The following PLA2G12B variants were observed in gnomAD, a reference collection of about 807,000 sequenced individuals.
PLA2G12B encodes group XIIB secretory phospholipase A2-like protein.
PLA2G12B carries 19 observed loss-of-function variants against 22.3 expected under a neutral mutation model. That is an observed-to-expected ratio of 0.85 (90% confidence interval 0.60 to 1.25). The LOEUF is 1.25. Among genes scored for constraint, PLA2G12B ranks in the 50% most tolerant of loss-of-function variants. The pLI, the probability that PLA2G12B is intolerant of heterozygous loss-of-function variation, is 0.00. For synonymous variants in PLA2G12B, 81 were observed against 94.9 expected (o/e 0.85, Z 0.85); for missense variants, 191 against 246.6 (o/e 0.77, Z 1.51).
intron 1 of PLA2G12B, 101 bp from the exon 2 acceptor site, chr10:72,942,841 TTTTC>T (rs1846383938): frequency 6.5e-6 from 7 of 1,078,562 alleles, no homozygotes; most frequent in Non-Finnish European, 8.0e-6. Flanking sequence ...ATATTTCACT[TTTTC>T]TTTAAAAGTC....
At chr10:72,938,618 T>C (rs1349468938) in intron 3 of PLA2G12B, among the ~76,000 whole-genome samples, 4 of 152,166 alleles carry the variant, frequency 2.6e-5, no homozygotes, top group African/African-American at 9.7e-5. Context: ...TAGGAATAAA[T>C]TTAACAGAAG....
At position 72,942,149 on chromosome 10, in the gene PLA2G12B, GGTGTGTGTGTGTGTGTGT is replaced by G. The variant is rs34740594; in HGVS notation, c.300+485_300+502del. On this transcript the variant is annotated intron_variant, in intron 2 of 3. Transcript: ENST00000373032. ...AAATACAAAAATTAGCAGGGCGTCG[GGTGTGTGTGTGTGTGTGT>G]GTGTGTGTGTGTGTGTGTGTGCAGA... Among the ~76,000 whole-genome samples the G allele has an allele frequency of 7.7e-3, 1,042 of 136,038 alleles. 5 individuals carry two copies. The highest frequency in any genetic ancestry group is 0.033 in the East Asian group (147 of 4,506). 89.2% of individuals were successfully genotyped at this position (136,038 alleles called of 152,430 possible). A position where few individuals can be genotyped will look rare whatever the true frequency, so the allele number is the denominator to read the frequency against.
At chr10:72,947,749 T>C (rs1221781706) in intron 1 of PLA2G12B, among the ~76,000 whole-genome samples, 3 of 152,198 alleles carry the variant, frequency 2.0e-5, no homozygotes, top group Admixed American at 6.5e-5. Flanking sequence ...ATAGACTGGA[T>C]GGCTTACACG....
At chr10:72,937,387 C>G (rs905057456) in intron 3 of PLA2G12B, among the ~76,000 whole-genome samples, 5 of 152,010 alleles carry the variant, frequency 3.3e-5, no homozygotes, top group African/African-American at 1.2e-4. Context: ...AATTACTAAC[C>G]CAAGCTCGTG....
intron 1 of PLA2G12B, 101 bp downstream of exon 1, chr10:72,954,374 G>A: frequency 5.6e-6 from 8 of 1,432,904 alleles, no homozygotes. Flanking sequence ...GCAGCTCTAA[G>A]TGGATAACAG....
chr10:72,952,897 T>C (rs1846554788), intron 1 of PLA2G12B, among the ~76,000 whole-genome samples: 1 of 152,228 alleles, frequency 6.6e-6, no homozygotes, highest in Non-Finnish European at 1.5e-5. Flanking sequence ...GCTGTTTTGC[T>C]AGAGAAGGAA....
intron 3 of PLA2G12B, among the ~76,000 whole-genome samples, chr10:72,939,584 C>T (rs1208098882): frequency 6.6e-6 from 1 of 151,268 alleles, no homozygotes; most frequent in Non-Finnish European, 1.5e-5. Context: ...ATCTAATATC[C>T]CGTGATAAAA....
At position 72,941,252 on chromosome 10, in the gene PLA2G12B, C is replaced by T. The variant is rs755172324; in HGVS notation, c.383G>A (p.Arg128His). ...ACACCATCGGAATTTTGCATCACAG[C>T]GATATTTGTTGGCACCGCAAGTGTC... ...CYDTCGANKY[R>H]CDAKFRWCLH... is the part of the protein sequence containing the mutation. Residue 128 changes from arginine (R) to histidine (H), a missense_variant, in exon 3 of 4, where the codon CGC becomes CAC. Physicochemically the swap from Arg to His is conservative, Grantham distance 29. Transcript: ENST00000373032. The T allele has an allele frequency of 2.9e-5, 46 of 1,613,700 alleles. No homozygotes were observed. Among genetic ancestry groups the T allele is most frequent in the Non-Finnish European group, 3.4e-5 (40 of 1,179,876 alleles).
At chr10:72,940,740 G>C (rs986259455) in intron 3 of PLA2G12B, among the ~76,000 whole-genome samples, 3 of 151,494 alleles carry the variant, frequency 2.0e-5, no homozygotes, top group Non-Finnish European at 4.4e-5. Flanking sequence ...ATGCAGAAAA[G>C]GTTTTTTGAA....
Position 72,954,647 on chromosome 10 carries a change from G to C in PLA2G12B, c.39C>G (p.Ser13Arg). The change falls in exon 1 of 4, where the codon AGC becomes AGG. Residue 13 changes from serine to arginine, a missense_variant. Transcript: ENST00000373032. ...LASGFLVLWL[S>R]LGGGLAQSDT... Reference sequence around the variant, plus strand: ...CGCTCTGAGCCAGGCCACCCCCAAGGCTGAGCCACAAAACCAAGAAGCCAC... The same window carrying C: ...CGCTCTGAGCCAGGCCACCCCCAAGCCTGAGCCACAAAACCAAGAAGCCAC... 1 of 1,614,028 alleles carries C rather than the reference G, an allele frequency of 6.2e-7. No individual in the cohort carries two copies. The highest frequency in any genetic ancestry group is 8.5e-7 in the Non-Finnish European group (1 of 1,180,008).
chr10:72,954,750 A>G lies in PLA2G12B; in HGVS notation c.-65T>C. On this transcript the variant is annotated 5_prime_UTR_variant, in exon 1 of 4. Coordinates refer to ENST00000373032, the MANE Select transcript of PLA2G12B (RefSeq NM_032562.5). ...CAGCCAGTGTCCCAGAATTCCAGGG[A>G]CAAACCCCCTACCCAGATGTCAGGC... 2.6e-6 allele frequency: 4 copies of G among 1,543,046 alleles called. No individual in the cohort carries two copies. The highest frequency in any genetic ancestry group is 1.8e-6 in the Non-Finnish European group (2 of 1,124,956).
chr10:72,947,841 T>C (rs954877998), intron 1 of PLA2G12B, among the ~76,000 whole-genome samples: 2 of 152,202 alleles, frequency 1.3e-5, no homozygotes, highest in African/African-American at 4.8e-5. Context: ...GGTGAGGGCC[T>C]TCTTCCTGGC....
At chr10:72,936,540 T>A (rs1846282202) in intron 3 of PLA2G12B, among the ~76,000 whole-genome samples, 1 of 152,138 alleles carries the variant, frequency 6.6e-6, no homozygotes, top group Non-Finnish European at 1.5e-5. Context: ...CATATGAAAT[T>A]TCCAGAATAG....
At chr10:72,946,955 G>A (rs916930805) in intron 1 of PLA2G12B, among the ~76,000 whole-genome samples, 24 of 151,056 alleles carry the variant, frequency 1.6e-4, no homozygotes, top group African/African-American at 4.9e-4. Flanking sequence ...GTCTCACTCT[G>A]TCACCCAGGT....
At chr10:72,940,673 A>G (rs1244474985) in intron 3 of PLA2G12B, among the ~76,000 whole-genome samples, 1 of 152,092 alleles carries the variant, frequency 6.6e-6, no homozygotes, top group Non-Finnish European at 1.5e-5. Flanking sequence ...TTCTGTCTCA[A>G]AAAAAATTTT....
intron 1 of PLA2G12B, among the ~76,000 whole-genome samples, chr10:72,945,666 C>A (rs908418887): frequency 6.3e-5 from 9 of 142,214 alleles, no homozygotes; most frequent in Non-Finnish European, 1.4e-4. Flanking sequence ...TTTTTTTTTT[C>A]AGATGGAATC....
chr10:72,936,256 A>T (rs542967416), intron 3 of PLA2G12B, among the ~76,000 whole-genome samples: 1 of 152,350 alleles, frequency 6.6e-6, no homozygotes, highest in Admixed American at 6.5e-5. Context: ...CACAGTTTGG[A>T]TAAAGAGGTG....
chr10:72,943,464 T>C (rs1367071147), intron 1 of PLA2G12B, among the ~76,000 whole-genome samples: 1 of 152,176 alleles, frequency 6.6e-6, no homozygotes, highest in Non-Finnish European at 1.5e-5. Flanking sequence ...AGGGTTTAAC[T>C]TGCAGGAAAT....
At position 72,954,525 on chromosome 10, in the gene PLA2G12B, A is replaced by C. The variant is rs1444306916; in HGVS notation, c.161T>G (p.Leu54Arg). 1 of 1,614,094 alleles carries C rather than the reference A, an allele frequency of 6.2e-7. No homozygotes were observed. Among genetic ancestry groups the C allele is most frequent in the African/African-American group, 1.3e-5 (1 of 74,940 alleles). ...ESVNSYFDSF[L>R]ELLGGKNGVC... ...TCCATTCTTCCCTCCCAGCAGCTCC[A>C]GAAAAGAATCGAAGTAGCTATTGAC... The change falls in exon 1 of 4, where the codon CTG becomes CGG. Residue 54 changes from leucine to arginine, a missense_variant. Leu to Arg is a moderately radical substitution (Grantham distance 102, BLOSUM62 -2). Transcript: ENST00000373032.
Sources: gnomAD v4.1 joint callset for allele counts (sites outside exome capture counted in the v4.1 genomes callset) on GRCh38, gnomAD v4.1.1 for gene constraint, MANE v1.5 for transcripts, NCBI Gene and HGNC (gene_info 2026-07-23, HGNC 2026-07-21) for gene names.